The following GCLM variants were observed in gnomAD, a reference collection of about 807,000 sequenced individuals.
The protein encoded by GCLM is glutamate--cysteine ligase regulatory subunit.
A neutral mutation model predicts 36.0 loss-of-function variants in GCLM; 15 were observed. That is an observed-to-expected ratio of 0.42 (90% CI 0.28 to 0.64). GCLM has a LOEUF of 0.64. GCLM is among the 30% of genes least tolerant of loss of function. GCLM has a pLI of 0.25. For synonymous variants in GCLM, 129 were observed against 122.8 expected, an observed-to-expected ratio of 1.05 and a Z score of -0.34; for missense variants, 242 against 325.5, an observed-to-expected ratio of 0.74 and a Z score of 1.97.
At position 93,896,748 on chromosome 1, in the gene GCLM, T is replaced by C; in HGVS notation, c.410A>G (p.Asn137Ser). The change falls in exon 5 of 7, where the codon AAT becomes AGT. Residue 137 changes from asparagine to serine, a missense_variant. Asn to Ser is a conservative substitution (Grantham distance 46). Coordinates refer to ENST00000370238, the MANE Select transcript of GCLM (RefSeq NM_002061.4). ...AGGCTGTAAATGCTCCAAGGAAAGA[T>C]TAACTCCATCTTCAATAGGAGGTGA... ...IASPPIEDGVNLSLEHLQPYW... is the reference protein window; with the variant it reads ...IASPPIEDGVSLSLEHLQPYW... The C allele has an allele frequency of 6.2e-7, 1 of 1,611,340 alleles. No homozygotes were observed. The highest frequency in any genetic ancestry group is 8.5e-7 in the Non-Finnish European group (1 of 1,177,422).
chr1:93,890,004 C>T lies in GCLM; in HGVS notation c.656-845G>A, dbSNP rs538694553. ...TTGGCCCACTGCAACCTCCACCTCC[C>T]GGGTTCAAGCAATTCTTCTGCCTCA... On this transcript the variant is annotated intron_variant, in intron 6 of 6. Coordinates refer to ENST00000370238, the MANE Select transcript of GCLM (RefSeq NM_002061.4). Among the ~76,000 whole-genome samples, 209 of 151,646 alleles carry T rather than the reference C, an allele frequency of 1.4e-3. 1 individual carries two copies. The highest frequency in any genetic ancestry group is 4.8e-3 in the African/African-American group (197 of 41,352).
chr1:93,896,252 C>T (rs1656728934), intron 5 of GCLM, among the ~76,000 whole-genome samples: 1 of 152,114 alleles, frequency 6.6e-6, no homozygotes, highest in South Asian at 2.1e-4. Context: ...TGAGCCACCA[C>T]ACCCGGCCGT....
At position 93,885,225 on chromosome 1, in the gene GCLM, A is replaced by G. The variant is rs563716769; in HGVS notation, c.*3765T>C. 1 of 152,338 alleles carries G rather than the reference A, an allele frequency of 6.6e-6. No individual in the cohort carries two copies. Among genetic ancestry groups the G allele is most frequent in the Non-Finnish European group, 1.5e-5 (1 of 68,034 alleles). 9.4% of individuals were successfully genotyped at this position (152,338 alleles called of 1,614,324 possible). ...TTGGATGTTTTTAAATTATTAATTTATTTTCAAATCATACTCAGTTTGAGT... is the reference window on the plus strand; with the variant it reads ...TTGGATGTTTTTAAATTATTAATTTGTTTTCAAATCATACTCAGTTTGAGT... On this transcript the variant is annotated 3_prime_UTR_variant, in exon 7 of 7. Transcript: ENST00000370238.
At chr1:93,902,281 CA>C (rs1314561281) in intron 2 of GCLM, among the ~76,000 whole-genome samples, 1 of 90 alleles carries the variant, frequency 0.011, no homozygotes, top group Admixed American at 0.12. Context: ...GGGTTCACGC[CA>C]TTCCTCCTGC....
chr1:93,891,535 T>C (rs889543937), intron 6 of GCLM, among the ~76,000 whole-genome samples: 2 of 152,198 alleles, frequency 1.3e-5, no homozygotes, highest in Non-Finnish European at 1.5e-5. Flanking sequence ...TTATCATATG[T>C]AACATTTATT....
chr1:93,908,966 C>A, intron 1 of GCLM, 72 bp downstream of exon 1: 1 of 1,259,652 alleles, frequency 7.9e-7, no homozygotes, highest in Non-Finnish European at 1.0e-6. Flanking sequence ...GGGCGCTTCT[C>A]CCTTGCCGGA....
intron 2 of GCLM, among the ~76,000 whole-genome samples, chr1:93,901,960 G>A (rs1243675193): frequency 2.6e-5 from 4 of 151,714 alleles, no homozygotes; most frequent in Non-Finnish European, 4.4e-5. Flanking sequence ...TAAACAAGCA[G>A]TGGAGGGATA....
Position 93,886,755 on chromosome 1 carries a change from A to G in GCLM, c.*2235T>C, listed in dbSNP as rs1656320183. ...ATAAGTCCAGGGTTATAAAAACAAT[A>G]AATGGGATATTAAAGTTCCCTCTTA... On this transcript the variant is annotated 3_prime_UTR_variant, in exon 7 of 7. Transcript: ENST00000370238. 6.6e-6 allele frequency: 1 copy of G among 152,164 alleles called. No homozygotes were observed. Among genetic ancestry groups the G allele is most frequent in the Non-Finnish European group, 1.5e-5 (1 of 68,020 alleles). The allele number at this position is 152,164 out of a possible 1,614,324, so 9.4% of individuals were successfully genotyped here.
intron 1 of GCLM, among the ~76,000 whole-genome samples, chr1:93,904,843 T>A (rs533969445): frequency 6.6e-5 from 10 of 152,326 alleles, no homozygotes; most frequent in African/African-American, 2.2e-4. Context: ...AAGCTTTTTT[T>A]GTACCAGTGA....
intron 2 of GCLM, among the ~76,000 whole-genome samples, chr1:93,902,676 C>T (rs546177517): frequency 6.6e-6 from 1 of 152,204 alleles, no homozygotes; most frequent in East Asian, 1.9e-4. Context: ...GTCATAATCA[C>T]CCAAGTCCAG....
At chr1:93,892,174 C>T (rs1488747306) in intron 6 of GCLM, among the ~76,000 whole-genome samples, 1 of 152,070 alleles carries the variant, frequency 6.6e-6, no homozygotes, top group Non-Finnish European at 1.5e-5. Flanking sequence ...GGATCATCTA[C>T]TTTACAATTT....
Position 93,889,166 on chromosome 1 carries a change from G to A in GCLM, c.656-7C>T. Reference sequence around the variant, plus strand: ...CTTGCTTCAGAAAGCAGTTCTAAAAGAAACAACAACAAACAAAACTCCAGC... The same window carrying A: ...CTTGCTTCAGAAAGCAGTTCTAAAAAAAACAACAACAAACAAAACTCCAGC... On this transcript the variant is annotated splice_polypyrimidine_tract_variant and splice_region_variant and intron_variant, in intron 6 of 6. Coordinates refer to ENST00000370238, the MANE Select transcript of GCLM (RefSeq NM_002061.4). 1.3e-6 allele frequency: 2 copies of A among 1,546,764 alleles called. No homozygotes were observed. The highest frequency in any genetic ancestry group is 4.7e-5 in the East Asian group (2 of 42,284).
chr1:93,902,787 T>C (rs550268183), intron 2 of GCLM, among the ~76,000 whole-genome samples: 3 of 152,344 alleles, frequency 2.0e-5, no homozygotes, highest in East Asian at 1.9e-4. Context: ...AGTAGTTTCA[T>C]TGACATACAA....
Position 93,885,662 on chromosome 1 carries a change from G to T in GCLM, c.*3328C>A, listed in dbSNP as rs564541260. ...TGTATTTGAATATGAAAACACAAAT[G>T]ACACAAATGGTTTAAGTCTTCATTA... On this transcript the variant is annotated 3_prime_UTR_variant, in exon 7 of 7. Coordinates refer to ENST00000370238, the MANE Select transcript of GCLM (RefSeq NM_002061.4). 1 of 152,286 alleles carries T rather than the reference G, an allele frequency of 6.6e-6. No individual in the cohort carries two copies. Among genetic ancestry groups the T allele is most frequent in the African/African-American group, 2.4e-5 (1 of 41,578 alleles). 9.4% of individuals were successfully genotyped at this position (152,286 alleles called of 1,614,324 possible).
chr1:93,890,427 C>T (rs1404280209), intron 6 of GCLM, among the ~76,000 whole-genome samples: 1 of 151,976 alleles, frequency 6.6e-6, no homozygotes, highest in Non-Finnish European at 1.5e-5. Context: ...CCAAAAAAAG[C>T]CATATACACA....
rs1657078242 is a variant in GCLM at position 93,904,668 on chromosome 1, T to C, written c.127-80A>G. 5 of 882,946 alleles carry C rather than the reference T, an allele frequency of 5.7e-6. No homozygotes were observed. In the Admixed American group the frequency reaches 8.1e-5, roughly 14 times the overall value. 54.7% of individuals were successfully genotyped at this position (882,946 alleles called of 1,614,324 possible). The stretch of plus-strand genomic sequence containing the variant: ...ACTTCTACAATAAGAATATATTAAT[T>C]TGATAAGCAGGAAAAAAAAGATAGC... On this transcript the variant is annotated intron_variant, in intron 1 of 6. Transcript: ENST00000370238.
At position 93,909,070 on chromosome 1, in the gene GCLM, G is replaced by C. The variant is rs1182415421; in HGVS notation, c.94C>G (p.Arg32Gly). ...TGNLLNWGRL[R>G]KKCPSTHSEE... ...CTGTGCGTGGACGGGCACTTCTTCC[G>C]CAGGCGGCCCCAGTTCAGCAGGTTC... Residue 32 changes from arginine to glycine, a missense_variant, in exon 1 of 7, where the codon CGG becomes GGG. Arg to Gly is a moderately radical substitution (Grantham distance 125). Transcript: ENST00000370238. 3 of 1,474,554 alleles carry C rather than the reference G, an allele frequency of 2.0e-6. No individual in the cohort carries two copies. Among genetic ancestry groups the C allele is most frequent in the African/African-American group, 1.5e-5 (1 of 68,216 alleles). The allele number at this position is 1,474,554 out of a possible 1,614,324, so 91.3% of individuals were successfully genotyped here. A position where few individuals can be genotyped will look rare whatever the true frequency, so the allele number is the denominator to read the frequency against.
At chr1:93,905,606 CAAAA>C (rs11310647) in intron 1 of GCLM, among the ~76,000 whole-genome samples, 5 of 151,006 alleles carry the variant, frequency 3.3e-5, no homozygotes, top group Non-Finnish European at 5.9e-5. Context: ...CTTAGATAAA[CAAAA>C]AAAAATTTAT....
chr1:93,901,129 C>A (rs1656932762), intron 3 of GCLM, among the ~76,000 whole-genome samples: 1 of 152,142 alleles, frequency 6.6e-6, no homozygotes, highest in African/African-American at 2.4e-5. Flanking sequence ...TACTACATTT[C>A]CTGAATGGGT....
Sources: allele counts gnomAD v4.1 joint callset (sites outside exome capture counted in the v4.1 genomes callset), GRCh38; gene constraint gnomAD v4.1.1; transcripts MANE v1.5; gene names NCBI Gene and HGNC (gene_info 2026-07-23, HGNC 2026-07-21).